Variants in SNAP91 observed in about 807,000 individuals in gnomAD.
The protein encoded by SNAP91 is synaptosome associated protein 91.
SNAP91 carries 27 observed loss-of-function variants against 100.3 expected under a neutral mutation model. That is an observed-to-expected ratio of 0.27 (90% CI 0.20 to 0.37). The LOEUF (loss-of-function observed/expected upper bound fraction) is 0.37, where lower values mean the gene tolerates loss of function less well. SNAP91 is among the 10% of genes least tolerant of loss of function. The probability of loss-of-function intolerance (pLI) is 1.00; values close to 1 mark genes in which losing one functional copy is unlikely to be tolerated. For synonymous variants in SNAP91, 404 were observed against 398.6 expected, an observed-to-expected ratio of 1.01 and a Z score of -0.16; for missense variants, 986 against 1,123.7, an observed-to-expected ratio of 0.88 and a Z score of 1.75.
intron 2 of SNAP91, among the ~76,000 whole-genome samples, chr6:83,675,819 C>T (rs1417713156): frequency 6.9e-6 from 1 of 144,532 alleles, no homozygotes; most frequent in East Asian, 2.0e-4. Context: ...GCCTGATACA[C>T]TTGAAGGAAC....
intron 2 of SNAP91, among the ~76,000 whole-genome samples, chr6:83,677,126 G>T (rs148271878): frequency 0.014 from 2,117 of 152,224 alleles, 40 homozygotes; most frequent in African/African-American, 0.048. Flanking sequence ...CCACCTAGTT[G>T]TCACTCTCTT....
intron 10 of SNAP91, among the ~76,000 whole-genome samples, chr6:83,615,119 A>AT (rs541692385): frequency 3.3e-4 from 50 of 151,552 alleles, no homozygotes; most frequent in South Asian, 1.7e-3. Context: ...GTCCATAGCT[A>AT]TTTTTTTTTC....
intron 2 of SNAP91, among the ~76,000 whole-genome samples, chr6:83,676,596 T>C (rs904452828): frequency 1.3e-5 from 2 of 152,140 alleles, no homozygotes; most frequent in African/African-American, 4.8e-5. Context: ...GACGGAGTGG[T>C]GGACAGAGAA....
chr6:83,694,326 C>T (rs2099167284), intron 2 of SNAP91, among the ~76,000 whole-genome samples: 1 of 152,196 alleles, frequency 6.6e-6, no homozygotes, highest in Non-Finnish European at 1.5e-5. Context: ...CTGTCTCCCT[C>T]TGTCAGCCAG....
intron 2 of SNAP91, among the ~76,000 whole-genome samples, chr6:83,694,288 T>C (rs2099166752): frequency 6.6e-6 from 1 of 152,186 alleles, no homozygotes; most frequent in South Asian, 2.1e-4. Flanking sequence ...TGGACCTACA[T>C]CTTCTCTTGC....
chr6:83,687,603 T>C (rs558911998), intron 2 of SNAP91, among the ~76,000 whole-genome samples: 96 of 152,050 alleles, frequency 6.3e-4, no homozygotes, highest in South Asian at 1.2e-3. Context: ...TTTGGCTGAG[T>C]GAAATGGGGG....
intron 9 of SNAP91, among the ~76,000 whole-genome samples, chr6:83,620,396 G>A (rs2128390161): frequency 6.6e-6 from 1 of 152,250 alleles, no homozygotes; most frequent in East Asian, 1.9e-4. Context: ...GAGTAGAACC[G>A]AATCCATATA....
intron 28 of SNAP91, among the ~76,000 whole-genome samples, chr6:83,556,742 A>G (rs531216013): frequency 6.6e-6 from 1 of 152,372 alleles, no homozygotes; most frequent in East Asian, 1.9e-4. Context: ...AAACTAATAA[A>G]TCTATTTAAA....
At chr6:83,571,059 C>T (rs2128027659) in intron 26 of SNAP91, among the ~76,000 whole-genome samples, 1 of 152,186 alleles carries the variant, frequency 6.6e-6, no homozygotes, top group East Asian at 1.9e-4. Context: ...GAGGGCTATA[C>T]CCTGCAAAGC....
chr6:83,640,780 A>G lies in SNAP91; in HGVS notation c.765+316T>C, dbSNP rs190871525. 7.5e-4 allele frequency among the ~76,000 whole-genome samples: 114 copies of G among 152,306 alleles called. 1 individual carries two copies. Among genetic ancestry groups the G allele is most frequent in the Non-Finnish European group, 6.3e-4 (43 of 68,004 alleles). On this transcript the variant is annotated intron_variant, in intron 8 of 29. Coordinates refer to ENST00000369694, the MANE Select transcript of SNAP91 (RefSeq NM_001242792.2). ...CAATGAAAATAAAGGATTTTCTAAC[A>G]ATTAAAGATAGCTATTAGGTGGAAT...
intron 26 of SNAP91, among the ~76,000 whole-genome samples, chr6:83,565,644 C>T (rs192126983): frequency 1.3e-5 from 2 of 152,132 alleles, no homozygotes; most frequent in East Asian, 3.9e-4. Flanking sequence ...ATTTTTCCTC[C>T]CCTACAACAT....
chr6:83,566,721 C>T (rs776580587), intron 26 of SNAP91, among the ~76,000 whole-genome samples: 8 of 151,868 alleles, frequency 5.3e-5, no homozygotes, highest in African/African-American at 1.5e-4. Flanking sequence ...AAAATGAAGC[C>T]CAACATAAAT....
At chr6:83,680,978 G>A (rs552808843) in intron 2 of SNAP91, among the ~76,000 whole-genome samples, 1 of 152,186 alleles carries the variant, frequency 6.6e-6, no homozygotes, top group South Asian at 2.1e-4. Context: ...CATGCTGCAT[G>A]AGTAACAGTC....
At chr6:83,681,990 C>T (rs2098995682) in intron 2 of SNAP91, among the ~76,000 whole-genome samples, 1 of 151,992 alleles carries the variant, frequency 6.6e-6, no homozygotes, top group Non-Finnish European at 1.5e-5. Flanking sequence ...TGAAAGCTTC[C>T]TTGAATTCTA....
intron 8 of SNAP91, among the ~76,000 whole-genome samples, chr6:83,624,596 T>C (rs983796584): frequency 4.6e-5 from 7 of 152,110 alleles, no homozygotes; most frequent in East Asian, 3.8e-4. Flanking sequence ...CTTGGCACTA[T>C]TGGCATTTGG....
intron 7 of SNAP91, among the ~76,000 whole-genome samples, chr6:83,643,551 C>G (rs952280506): frequency 3.9e-5 from 6 of 152,076 alleles, no homozygotes; most frequent in East Asian, 1.9e-4. Flanking sequence ...TGGTCTATAT[C>G]TCTGTTTTGA....
intron 8 of SNAP91, 102 bp from the exon 9 acceptor site, chr6:83,623,444 G>C (rs1285684526): frequency 1.3e-6 from 1 of 779,796 alleles, no homozygotes; most frequent in Non-Finnish European, 2.2e-6. Context: ...CTCAATATTG[G>C]TGTAAATGAA....
At chr6:83,681,817 A>C (rs1254523149) in intron 2 of SNAP91, among the ~76,000 whole-genome samples, 1 of 152,150 alleles carries the variant, frequency 6.6e-6, no homozygotes, top group African/African-American at 2.4e-5. Flanking sequence ...CATTCCCCCA[A>C]GTGTTCTAGA....
rs778665867 is a variant in SNAP91, at chr6:83,553,001, A to G, written c.*1295T>C. Reference sequence around the variant, plus strand: ...AATTGGTTTTAGGTAATTTTTCCCCATTACAGTGTATGTTATCCCCACAGT... The same window carrying G: ...AATTGGTTTTAGGTAATTTTTCCCCGTTACAGTGTATGTTATCCCCACAGT... On this transcript the variant is annotated 3_prime_UTR_variant, in exon 30 of 30. Transcript: ENST00000369694. 6.6e-6 allele frequency: 1 copy of G among 152,608 alleles called. No individual in the cohort carries two copies. The highest frequency in any genetic ancestry group is 1.5e-5 in the Non-Finnish European group (1 of 68,028). 9.5% of individuals were successfully genotyped at this position (152,608 alleles called of 1,614,324 possible).
Sources: allele counts gnomAD v4.1 joint callset (sites outside exome capture counted in the v4.1 genomes callset), GRCh38; gene constraint gnomAD v4.1.1; transcripts MANE v1.5; gene names NCBI Gene and HGNC (gene_info 2026-07-23, HGNC 2026-07-21).